ACTR3C: variants seen among roughly 807,000 people sequenced by gnomAD.
ACTR3C encodes actin related protein 3C, also known as actin-related protein 3C.
In ACTR3C, 18 loss-of-function variants were observed where a neutral mutation model predicts 26.3. That is an observed-to-expected ratio of 0.68 (90% CI 0.47 to 1.01). The LOEUF is 1.01. Among genes scored for constraint, ACTR3C ranks in the 50% least tolerant of loss-of-function variants. The pLI, the probability that ACTR3C is intolerant of heterozygous loss-of-function variation, is 0.00. For synonymous variants in ACTR3C, 55 were observed against 94.5 expected (o/e 0.58, Z 2.42); for missense variants, 184 against 250.7 (o/e 0.73, Z 1.80).
chr7:149,925,839 A>G, the ACTR3C span, among the ~76,000 whole-genome samples: 2 of 152,284 alleles, frequency 1.3e-5, no homozygotes, highest in African/African-American at 4.8e-5. Flanking sequence ...AGGCAGGTGG[A>G]TCACCTGAGG....
At chr7:149,900,571 G>T in the ACTR3C span, among the ~76,000 whole-genome samples, 1 of 151,618 alleles carries the variant, frequency 6.6e-6, no homozygotes, top group Non-Finnish European at 1.5e-5. Flanking sequence ...AAGGAATTTG[G>T]GTACATCAAG....
the ACTR3C span, among the ~76,000 whole-genome samples, chr7:149,946,707 G>A: frequency 1.3e-5 from 2 of 152,190 alleles, no homozygotes; most frequent in African/African-American, 4.8e-5. Flanking sequence ...AATTGAAGGT[G>A]AAATGTCCAA....
At chr7:150,127,520 G>A in the ACTR3C span, among the ~76,000 whole-genome samples, 3 of 151,666 alleles carry the variant, frequency 2.0e-5, no homozygotes, top group Non-Finnish European at 4.4e-5. Context: ...ACAAAATTCT[G>A]CAGCAGCGTT....
chr7:150,318,024 TG>T (rs1292512521), intron 1 of ACTR3C, among the ~76,000 whole-genome samples: 5 of 151,896 alleles, frequency 3.3e-5, no homozygotes, highest in Non-Finnish European at 7.4e-5. Flanking sequence ...TGCAAGAAAA[TG>T]GGGATTTCCT....
chr7:150,212,585 G>A, the ACTR3C span, among the ~76,000 whole-genome samples: 227 of 150,664 alleles, frequency 1.5e-3, 2 homozygotes, highest in Non-Finnish European at 2.7e-3. Context: ...ATATTTACAC[G>A]GGTACTCTTT....
At chr7:149,994,086 T>C in the ACTR3C span, among the ~76,000 whole-genome samples, 1 of 152,186 alleles carries the variant, frequency 6.6e-6, no homozygotes, top group Admixed American at 6.5e-5. Context: ...CAGGAGGTTT[T>C]ATAGTTGTCC....
chr7:150,180,510 T>TC, the ACTR3C span, among the ~76,000 whole-genome samples: 1 of 137,460 alleles, frequency 7.3e-6, no homozygotes, highest in Non-Finnish European at 1.5e-5. Flanking sequence ...TAGTAGTATA[T>TC]CTTTTTTTTT....
At chr7:150,211,611 A>G in the ACTR3C span, among the ~76,000 whole-genome samples, 1 of 149,220 alleles carries the variant, frequency 6.7e-6, no homozygotes, top group Non-Finnish European at 1.5e-5. Flanking sequence ...GAATATTGTA[A>G]AGTTGGAGCT....
chr7:150,229,670 T>G, the ACTR3C span, among the ~76,000 whole-genome samples: 1 of 141,852 alleles, frequency 7.0e-6, no homozygotes, highest in African/African-American at 2.6e-5. Context: ...TTTTTTTTTG[T>G]ATTTTTAGTA....
chr7:150,001,352 G>A, the ACTR3C span: 1 of 152,202 alleles, frequency 6.6e-6, no homozygotes, highest in Non-Finnish European at 1.5e-5. Flanking sequence ...TCTCCAAGCA[G>A]AGAGATCCAA....
the ACTR3C span, among the ~76,000 whole-genome samples, chr7:149,992,509 C>G: frequency 2.0e-4 from 30 of 152,218 alleles, no homozygotes; most frequent in Non-Finnish European, 3.7e-4. Flanking sequence ...TTCTCCAGGT[C>G]TAGCCAAGAA....
chr7:150,242,242 G>C (rs901499732), downstream of ACTR3C, among the ~76,000 whole-genome samples: 1 of 150,972 alleles, frequency 6.6e-6, no homozygotes, highest in African/African-American at 2.5e-5. Flanking sequence ...GAGGGTGGGG[G>C]AAGAATATAT....
chr7:149,969,465 A>G, the ACTR3C span, among the ~76,000 whole-genome samples: 1 of 152,142 alleles, frequency 6.6e-6, no homozygotes, highest in African/African-American at 2.4e-5. Context: ...CTCAGCTCCA[A>G]GTTAGTGAGG....
chr7:150,034,070 C>A, the ACTR3C span, among the ~76,000 whole-genome samples: 1 of 146,938 alleles, frequency 6.8e-6, no homozygotes, highest in South Asian at 2.2e-4. Flanking sequence ...CCCCGCCTCG[C>A]GGGGGGTGCC....
chr7:149,941,723 A>T, the ACTR3C span, among the ~76,000 whole-genome samples: 1 of 152,344 alleles, frequency 6.6e-6, no homozygotes, highest in South Asian at 2.1e-4. Context: ...GATGGGAAAC[A>T]CAGGCACCTA....
the ACTR3C span, among the ~76,000 whole-genome samples, chr7:150,023,202 T>TAG: frequency 6.9e-6 from 1 of 144,934 alleles, no homozygotes; most frequent in East Asian, 2.0e-4. Flanking sequence ...GATATCTATA[T>TAG]ATATCTCTAT....
the ACTR3C span, among the ~76,000 whole-genome samples, chr7:149,986,310 T>G: frequency 6.6e-6 from 1 of 152,346 alleles, no homozygotes; most frequent in South Asian, 2.1e-4. Context: ...TCCCTTCTGC[T>G]CTACTGTTTG....
chr7:149,913,886 C>T, the ACTR3C span, among the ~76,000 whole-genome samples: 97,488 of 118,856 alleles, frequency 0.82, 38,578 homozygotes, highest in Middle Eastern at 0.86. Flanking sequence ...TCATATGTCC[C>T]TTTTTTTTTT....
the ACTR3C span, among the ~76,000 whole-genome samples, chr7:150,055,358 C>T: frequency 2.0e-5 from 3 of 152,098 alleles, no homozygotes; most frequent in African/African-American, 7.2e-5. Flanking sequence ...ACCAAGGTGA[C>T]CTGGAAGATT....
Sources: allele counts gnomAD v4.1 joint callset (sites outside exome capture counted in the v4.1 genomes callset), GRCh38; gene constraint gnomAD v4.1.1; transcripts MANE v1.5; gene names NCBI Gene and HGNC (gene_info 2026-07-23, HGNC 2026-07-21).